The following GALNT13 variants were observed in gnomAD, a reference collection of about 807,000 sequenced individuals.
GALNT13 encodes the protein UDP-GalNAc:polypeptide N-acetylgalactosaminyltransferase 13.
In GALNT13, 28 loss-of-function variants were observed where a neutral mutation model predicts 64.2. The ratio of observed to expected loss-of-function variants is 0.44; its 90% CI spans 0.32 to 0.60. The LOEUF (loss-of-function observed/expected upper bound fraction) is 0.60. GALNT13 is among the 20% of genes least tolerant of loss of function. The pLI is 0.05. For synonymous variants in GALNT13, 214 were observed against 224.6 expected, an observed-to-expected ratio of 0.95 and a Z score of 0.42; for missense variants, 577 against 669.8, an observed-to-expected ratio of 0.86 and a Z score of 1.53.
chr2:153,877,513 T>C (rs905893642), intron 1 of GALNT13, among the ~76,000 whole-genome samples: 3 of 152,182 alleles, frequency 2.0e-5, no homozygotes, highest in Non-Finnish European at 4.4e-5. Context: ...ACTTAGTCTC[T>C]TGTCTTATAT....
chr2:154,405,715 A>G (rs1363888562), intron 10 of GALNT13, among the ~76,000 whole-genome samples: 1 of 152,104 alleles, frequency 6.6e-6, no homozygotes, highest in Non-Finnish European at 1.5e-5. Flanking sequence ...CTGTATCTCG[A>G]AAAATAAAAT....
chr2:154,157,003 T>A (rs1301703976), intron 4 of GALNT13, among the ~76,000 whole-genome samples: 3 of 152,188 alleles, frequency 2.0e-5, no homozygotes, highest in African/African-American at 7.2e-5. Flanking sequence ...AAATCACTAC[T>A]CTGAGGCAGG....
intron 4 of GALNT13, among the ~76,000 whole-genome samples, chr2:154,239,412 A>C (rs1362894935): frequency 6.6e-6 from 1 of 151,700 alleles, no homozygotes; most frequent in Non-Finnish European, 1.5e-5. Context: ...TTCTAGTTGT[A>C]CTTCTTTGAG....
chr2:153,183,808 CTT>C, the GALNT13 span, among the ~76,000 whole-genome samples: 3 of 152,052 alleles, frequency 2.0e-5, no homozygotes, highest in African/African-American at 7.2e-5. Flanking sequence ...TGAGTCCTCT[CTT>C]TTGTTCCATT....
chr2:153,292,291 A>T, the GALNT13 span, among the ~76,000 whole-genome samples: 3 of 124,290 alleles, frequency 2.4e-5, no homozygotes, highest in Non-Finnish European at 5.6e-5. Flanking sequence ...GAAAAGAAGA[A>T]AGGGTAACTT....
chr2:153,950,262 T>TA (rs1692078533), intron 3 of GALNT13, among the ~76,000 whole-genome samples: 1 of 151,580 alleles, frequency 6.6e-6, no homozygotes, highest in Non-Finnish European at 1.5e-5. Context: ...CTATAATTAA[T>TA]AAAAAAGCCC....
At chr2:153,445,323 G>C in the GALNT13 span, among the ~76,000 whole-genome samples, 9 of 152,062 alleles carry the variant, frequency 5.9e-5, no homozygotes, top group Admixed American at 5.9e-4. Context: ...ATGCAGAAAA[G>C]ACATATGATA....
At chr2:154,430,336 C>G (rs1350044791) in intron 11 of GALNT13, among the ~76,000 whole-genome samples, 1 of 152,072 alleles carries the variant, frequency 6.6e-6, no homozygotes, top group South Asian at 2.1e-4. Context: ...AAGTTAATCC[C>G]AACCCTCTTA....
chr2:153,668,507 C>T, the GALNT13 span, among the ~76,000 whole-genome samples: 2 of 151,814 alleles, frequency 1.3e-5, no homozygotes, highest in Non-Finnish European at 2.9e-5. Context: ...GGAACACTTG[C>T]CACTGAGGAA....
At chr2:153,988,739 T>A (rs1285857504) in intron 3 of GALNT13, among the ~76,000 whole-genome samples, 1 of 151,908 alleles carries the variant, frequency 6.6e-6, no homozygotes, top group Non-Finnish European at 1.5e-5. Flanking sequence ...TGGTGAAAAT[T>A]TAAGAGGATG....
At chr2:153,874,103 GTT>G (rs10545017) in intron 1 of GALNT13, among the ~76,000 whole-genome samples, 32,946 of 122,446 alleles carry the variant, frequency 0.27, 3,788 homozygotes, top group African/African-American at 0.29. Context: ...CGCAATCTCT[GTT>G]TTTTTTTTTT....
At chr2:153,683,837 G>A in the GALNT13 span, among the ~76,000 whole-genome samples, 5 of 151,796 alleles carry the variant, frequency 3.3e-5, no homozygotes, top group East Asian at 1.9e-4. Flanking sequence ...AGCTTCAACA[G>A]TAAATGCTTT....
chr2:154,152,011 G>T (rs1388816503), intron 4 of GALNT13, among the ~76,000 whole-genome samples: 1 of 152,166 alleles, frequency 6.6e-6, no homozygotes, highest in Non-Finnish European at 1.5e-5. Context: ...AGTTGATGCA[G>T]TTTCTTCCTA....
intron 2 of GALNT13, among the ~76,000 whole-genome samples, chr2:153,908,464 C>A (rs1003488078): frequency 1.3e-5 from 2 of 152,096 alleles, no homozygotes; most frequent in African/African-American, 4.8e-5. Context: ...AAACCTTTAA[C>A]AGGTTCTTCA....
intron 3 of GALNT13, among the ~76,000 whole-genome samples, chr2:153,964,796 C>T (rs1218450490): frequency 6.6e-6 from 1 of 150,820 alleles, no homozygotes; most frequent in African/African-American, 2.4e-5. Context: ...TAGATGTTGC[C>T]CTCACGGTAA....
chr2:153,630,530 G>A, the GALNT13 span, among the ~76,000 whole-genome samples: 1 of 146,182 alleles, frequency 6.8e-6, no homozygotes, highest in African/African-American at 2.5e-5. Context: ...GATAGCATTG[G>A]GAGATATAAC....
chr2:154,311,803 T>C (rs1160125725), intron 9 of GALNT13, among the ~76,000 whole-genome samples: 1 of 152,214 alleles, frequency 6.6e-6, no homozygotes, highest in Non-Finnish European at 1.5e-5. Context: ...GCGCATTCTC[T>C]TTCTCAGGGA....
At chr2:153,954,081 TG>T (rs1692396127) in intron 3 of GALNT13, among the ~76,000 whole-genome samples, 1 of 152,288 alleles carries the variant, frequency 6.6e-6, no homozygotes, top group South Asian at 2.1e-4. Context: ...AAACAGCAAA[TG>T]TTTGTTGATT....
intron 3 of GALNT13, among the ~76,000 whole-genome samples, chr2:154,059,053 T>G (rs926177123): frequency 6.6e-6 from 1 of 152,164 alleles, no homozygotes; most frequent in Non-Finnish European, 1.5e-5. Context: ...AAAAACCAAG[T>G]GTATTTACTG....
Sources: allele counts gnomAD v4.1 joint callset (sites outside exome capture counted in the v4.1 genomes callset), GRCh38; gene constraint gnomAD v4.1.1; transcripts MANE v1.5; gene names NCBI Gene and HGNC (gene_info 2026-07-23, HGNC 2026-07-21).